The following DIS3L variants were observed in gnomAD, a reference collection of about 807,000 sequenced individuals.
The protein encoded by DIS3L is DIS3 like exosome 3'-5' exoribonuclease.
Under a neutral mutation model 120.3 loss-of-function variants are expected in DIS3L, and 100 were observed. The ratio of observed to expected loss-of-function variants is 0.83; its 90% CI spans 0.71 to 0.98. The LOEUF is 0.98. Ranked by LOEUF, DIS3L falls within the 50% of genes least tolerant of loss-of-function variation. The pLI, the probability that DIS3L is intolerant of heterozygous loss-of-function variation, is 0.00. For synonymous variants in DIS3L, 426 were observed against 470.6 expected (o/e 0.91, Z 1.23); for missense variants, 1,196 against 1,314.2 (o/e 0.91, Z 1.39).
At chr15:66,314,012 TATTG>T in intron 5 of DIS3L, 23 bp from the exon 6 acceptor site, 1 of 1,528,032 alleles carries the variant, frequency 6.5e-7, no homozygotes, top group Non-Finnish European at 8.8e-7. Flanking sequence ...ACATTTTTCA[TATTG>T]ATTTTTTAAA....
intron 2 of DIS3L, among the ~76,000 whole-genome samples, chr15:66,296,913 C>T (rs1164908907): frequency 6.6e-6 from 1 of 152,192 alleles, no homozygotes; most frequent in East Asian, 1.9e-4. Flanking sequence ...GCGCCTTAGA[C>T]ACACGAAGGA....
chr15:66,332,506 GTGTGTGTGTATA>G (rs919320635), intron 15 of DIS3L, among the ~76,000 whole-genome samples: 15 of 83,138 alleles, frequency 1.8e-4, no homozygotes, highest in East Asian at 8.6e-4. Flanking sequence ...GTGTGTGTGT[GTGTGTGTGTATA>G]TATATACACA....
chr15:66,296,340 G>C (rs575451945), intron 2 of DIS3L, among the ~76,000 whole-genome samples: 1 of 152,068 alleles, frequency 6.6e-6, no homozygotes, highest in Non-Finnish European at 1.5e-5. Context: ...TAGTTAACTT[G>C]ATGAAAAACT....
At chr15:66,321,233 A>T (rs2092879759) in intron 9 of DIS3L, among the ~76,000 whole-genome samples, 1 of 152,202 alleles carries the variant, frequency 6.6e-6, no homozygotes, top group South Asian at 2.1e-4. Flanking sequence ...AGCTATTTCC[A>T]TCACTTTATG....
At chr15:66,299,561 A>G (rs1433291303) in intron 2 of DIS3L, among the ~76,000 whole-genome samples, 4 of 150,598 alleles carry the variant, frequency 2.7e-5, no homozygotes, top group Admixed American at 1.3e-4. Context: ...AAAAAAAAAA[A>G]GGGATTACTG....
In DIS3L at chr15:66,293,623, G is replaced by C. The variant is rs1392735723; in HGVS notation, c.27G>C (p.Leu9=). The change falls in exon 1 of 17, where the codon CTG becomes CTC. Residue 9 remains leucine (L), a synonymous_variant. Transcript: ENST00000319212. The part of the protein sequence containing the change: MLQKREKV[L]LLRTFQGRTL... ...TGCTGCAGAAGCGGGAGAAGGTGCT[G>C]CTGCTGAGGACCTTCCAGGGCCGCA... is the stretch of plus-strand genomic sequence containing the variant. The C allele has an allele frequency of 1.0e-5, 15 of 1,447,550 alleles. No individual in the cohort carries two copies. Among genetic ancestry groups the C allele is most frequent in the Non-Finnish European group, 1.4e-5 (15 of 1,102,744 alleles). The allele number at this position is 1,447,550 out of a possible 1,614,324, so 89.7% of individuals were successfully genotyped here. A position where few individuals can be genotyped will look rare whatever the true frequency, so the allele number is the denominator to read the frequency against.
intron 2 of DIS3L, among the ~76,000 whole-genome samples, chr15:66,299,559 A>G (rs1477272890): frequency 6.6e-6 from 1 of 151,814 alleles, no homozygotes; most frequent in Non-Finnish European, 1.5e-5. Context: ...AAAAAAAAAA[A>G]AAGGGATTAC....
intron 1 of DIS3L, chr15:66,294,302 C>T (rs2092560617): frequency 1.0e-6 from 1 of 985,354 alleles, no homozygotes; most frequent in African/African-American, 1.7e-5. Flanking sequence ...ACTGGGGACT[C>T]CTGGGCCCCA....
intron 2 of DIS3L, among the ~76,000 whole-genome samples, chr15:66,305,050 G>C (rs2140337072): frequency 7.1e-6 from 1 of 140,726 alleles, no homozygotes; most frequent in Admixed American, 7.3e-5. Flanking sequence ...CACCAGGCTG[G>C]AGTGCAGTGG....
rs771834584 is a variant in DIS3L at position 66,333,268 on chromosome 15, C to T, written c.3121C>T (p.Arg1041Trp). ...RSLYTLLEEI[R>W]DLALLDVSNN... is the part of the protein sequence containing the mutation. ...CCTATACACACTTCTAGAGGAGATA[C>T]GGGACCTAGCTCTCCTGGATGTTTC... The change falls in exon 17 of 17, where the codon CGG (arginine) becomes TGG (tryptophan). Residue 1041 changes from arginine to tryptophan, a missense_variant. Transcript: ENST00000319212. 11 of 1,611,498 alleles carry T rather than the reference C, an allele frequency of 6.8e-6. No individual in the cohort carries two copies. The highest frequency in any genetic ancestry group is 4.5e-5 in the East Asian group (2 of 44,892).
At chr15:66,293,359 G>A (rs1475671895), upstream of DIS3L, 7 of 635,306 alleles carry the variant, frequency 1.1e-5, no homozygotes, top group African/African-American at 5.8e-5. Context: ...TCTTCCCTCC[G>A]TCTCTGGGGT....
At position 66,315,153 on chromosome 15, in the gene DIS3L, T is replaced by A. The variant is rs1390495677; in HGVS notation, c.932T>A (p.Leu311Gln). 6.2e-7 allele frequency: 1 copy of A among 1,614,020 alleles called. No homozygotes were observed. Among genetic ancestry groups the A allele is most frequent in the Non-Finnish European group, 8.5e-7 (1 of 1,179,946 alleles). Residue 311 changes from leucine (L) to glutamine (Q), a missense_variant, in exon 7 of 17, where the codon CTG (leucine) becomes CAG (glutamine). By Grantham distance (113) the Leu-to-Gln change is moderately radical. Transcript: ENST00000319212. ...KNEWKGRTVALCENDCDDKAS... is the reference protein window; with the variant it reads ...KNEWKGRTVAQCENDCDDKAS... ...GAATGGAAAGGAAGAACCGTAGCCC[T>A]GTGTGAGAATGACTGTGACGACAAG...
At chr15:66,321,047 C>A (rs1293671352) in intron 9 of DIS3L, among the ~76,000 whole-genome samples, 2 of 152,104 alleles carry the variant, frequency 1.3e-5, no homozygotes, top group Non-Finnish European at 2.9e-5. Context: ...TAGTTACAGA[C>A]CCAACTGAGC....
chr15:66,314,561 C>G (rs1285047655), intron 6 of DIS3L, among the ~76,000 whole-genome samples: 1 of 151,948 alleles, frequency 6.6e-6, no homozygotes, highest in East Asian at 1.9e-4. Flanking sequence ...AAAAAGAAAC[C>G]CTGCTAGTCA....
At chr15:66,306,136 G>A (rs946816322) in intron 2 of DIS3L, among the ~76,000 whole-genome samples, 2 of 152,078 alleles carry the variant, frequency 1.3e-5, no homozygotes, top group South Asian at 2.1e-4. Context: ...ACGCTACCAC[G>A]CTAATTTTTG....
chr15:66,311,653 T>C lies in DIS3L; in HGVS notation c.559-71T>C. ...AGGCCAGCAATTCCTAGTCAGGAGT[T>C]TCTGTCATAGTACCATGGTGAAGAA... On this transcript the variant is annotated intron_variant, in intron 4 of 16. Transcript: ENST00000319212. 3.2e-6 allele frequency: 5 copies of C among 1,573,264 alleles called. No homozygotes were observed. In the East Asian group the frequency reaches 9.0e-5, roughly 28 times the overall value.
chr15:66,295,277 T>A, intron 2 of DIS3L, 136 bp downstream of exon 2: 1 of 804,974 alleles, frequency 1.2e-6, no homozygotes, highest in Non-Finnish European at 1.9e-6. Flanking sequence ...GTATTCTCTT[T>A]GATAGTGAGG....
rs1483333236 is a variant in DIS3L, at chr15:66,332,722, T to C, written c.2682-14T>C. The C allele has an allele frequency of 6.3e-7, 1 of 1,596,478 alleles. No individual in the cohort carries two copies. Among genetic ancestry groups the C allele is most frequent in the East Asian group, 2.2e-5 (1 of 44,734 alleles). ...ATACATTGTCTCTGGATTTATATTC[T>C]GGTCATAATATAGGTTTGGGATTAA... On this transcript the variant is annotated splice_polypyrimidine_tract_variant and intron_variant, in intron 15 of 16. Coordinates refer to ENST00000319212, the MANE Select transcript of DIS3L (RefSeq NM_001143688.3).
chr15:66,298,205 A>G (rs2092610103), intron 2 of DIS3L, among the ~76,000 whole-genome samples: 1 of 151,384 alleles, frequency 6.6e-6, no homozygotes, highest in Non-Finnish European at 1.5e-5. Context: ...AAAAAAAAAA[A>G]AGATTGAAAT....
Sources: gnomAD v4.1 joint callset for allele counts (sites outside exome capture counted in the v4.1 genomes callset) on GRCh38, gnomAD v4.1.1 for gene constraint, MANE v1.5 for transcripts, NCBI Gene and HGNC (gene_info 2026-07-23, HGNC 2026-07-21) for gene names.